The following MCM10 variants were observed in gnomAD, a reference collection of about 807,000 sequenced individuals.
MCM10 encodes the protein protein MCM10 homolog.
In MCM10, 91 loss-of-function variants were observed where a neutral mutation model predicts 109.9. That is an observed-to-expected ratio of 0.83 (90% CI 0.70 to 0.99). MCM10 has a LOEUF of 0.99. Among genes scored for constraint, MCM10 ranks in the 50% least tolerant of loss-of-function variants. The pLI is 0.00. For synonymous variants in MCM10, 380 were observed against 387.2 expected, an observed-to-expected ratio of 0.98 and a Z score of 0.22; for missense variants, 1,077 against 1,061.2, an observed-to-expected ratio of 1.01 and a Z score of -0.21.
chr10:13,188,244 G>A (rs565424240), intron 9 of MCM10, among the ~76,000 whole-genome samples: 6 of 152,286 alleles, frequency 3.9e-5, no homozygotes, highest in Admixed American at 3.9e-4. Flanking sequence ...GCACTTGTCC[G>A]AGGATCAACC....
chr10:13,172,337 C>A lies in MCM10; in HGVS notation c.350-39C>A. 1 of 1,527,346 alleles carries A rather than the reference C, an allele frequency of 6.5e-7. No individual in the cohort carries two copies. Among genetic ancestry groups the A allele is most frequent in the South Asian group, 1.1e-5 (1 of 87,688 alleles). The allele number at this position is 1,527,346 out of a possible 1,614,324, so 94.6% of individuals were successfully genotyped here. On this transcript the variant is annotated intron_variant, in intron 3 of 19. Transcript: ENST00000378714. The surrounding 1 kb of genome is among the most constrained non-coding windows in gnomAD (Gnocchi z 5.2). ...ATTTTTGTCATGTAGAACGTTTTCT[C>A]CTGCCTGGTTCTTAAATTAACATAT...
At chr10:13,167,657 G>A (rs1420501893) in intron 2 of MCM10, among the ~76,000 whole-genome samples, 3 of 151,982 alleles carry the variant, frequency 2.0e-5, no homozygotes, top group Non-Finnish European at 4.4e-5. Flanking sequence ...TGATGCCAGC[G>A]TCTGGTGTCT....
At chr10:13,202,078 G>A (rs1242446310) in intron 17 of MCM10, among the ~76,000 whole-genome samples, 1 of 152,218 alleles carries the variant, frequency 6.6e-6, no homozygotes, top group Non-Finnish European at 1.5e-5. Flanking sequence ...GGAAGAAAGG[G>A]CTGGGTGTGA....
At chr10:13,200,072 G>A (rs1834477111) in intron 16 of MCM10, among the ~76,000 whole-genome samples, 1 of 151,936 alleles carries the variant, frequency 6.6e-6, no homozygotes, top group South Asian at 2.1e-4. Flanking sequence ...CTCAAGTGAT[G>A]TTCCCACCTC....
rs1274667530 is a variant in MCM10, at chr10:13,170,794, C to T, written c.8-128C>T. 6 of 695,094 alleles carry T rather than the reference C, an allele frequency of 8.6e-6. No homozygotes were observed. The African/African-American group carries it at 1.1e-4, about 13-fold the overall frequency. 43.1% of individuals were successfully genotyped at this position (695,094 alleles called of 1,614,324 possible). On this transcript the variant is annotated intron_variant, in intron 2 of 19. Transcript: ENST00000378714. ...GTTTGGAGTATGGTTGAACCCATCA[C>T]CCAGGTAATGAGCATTGTACCCATT... is the stretch of plus-strand genomic sequence containing the variant.
At chr10:13,199,325 CATTTG>C (rs1281043333) in intron 16 of MCM10, among the ~76,000 whole-genome samples, 9 of 152,194 alleles carry the variant, frequency 5.9e-5, no homozygotes, top group Non-Finnish European at 1.0e-4. Context: ...TGAAGAATAT[CATTTG>C]ATTTAACATG....
intron 2 of MCM10, among the ~76,000 whole-genome samples, chr10:13,165,280 T>C (rs1833980842): frequency 6.6e-6 from 1 of 152,188 alleles, no homozygotes; most frequent in South Asian, 2.1e-4. Flanking sequence ...CTCTAAAGTA[T>C]CTATTGCACT....
chr10:13,197,249 G>C (rs912025274), intron 14 of MCM10, among the ~76,000 whole-genome samples: 1 of 152,158 alleles, frequency 6.6e-6, no homozygotes, highest in African/African-American at 2.4e-5. Context: ...GAAAAATTAA[G>C]TAATTTTCCT....
At chr10:13,174,064 C>G (rs1564382593) in intron 5 of MCM10, among the ~76,000 whole-genome samples, 1 of 151,670 alleles carries the variant, frequency 6.6e-6, no homozygotes, top group Non-Finnish European at 1.5e-5. Context: ...CCTAACTTTC[C>G]TTGGTCCCAC....
At chr10:13,206,141 G>A (rs1006004198) in intron 18 of MCM10, among the ~76,000 whole-genome samples, 36 of 152,142 alleles carry the variant, frequency 2.4e-4, no homozygotes, top group Non-Finnish European at 8.8e-5. Flanking sequence ...CTCTGCAGCC[G>A]TTTTTATTTC....
Position 13,191,342 on chromosome 10 carries a change from A to T in MCM10, c.1459A>T (p.Ser487Cys), listed in dbSNP as rs1316974125. Residue 487 changes from serine to cysteine, a missense_variant, in exon 11 of 20, where the codon AGT becomes TGT. Ser to Cys is a moderately radical substitution (Grantham distance 112, BLOSUM62 -1). Coordinates refer to ENST00000378714, the MANE Select transcript of MCM10 (RefSeq NM_018518.5). The part of the protein sequence containing the change: ...APKKKIQTTL[S>C]NLVVKGTNLI... ...TAAGAAGAAGATTCAAACCACTCTG[A>T]GTAATCTGGTTGTTAAGGGCACAAA... is the stretch of plus-strand genomic sequence containing the variant. The T allele has an allele frequency of 1.2e-6, 2 of 1,614,138 alleles. No individual in the cohort carries two copies. Among genetic ancestry groups the T allele is most frequent in the Non-Finnish European group, 8.5e-7 (1 of 1,180,014 alleles).
In MCM10 at chr10:13,193,391, GC is replaced by G. The variant is rs1388205005; in HGVS notation, c.1745+824del. ...TCAGGTCACCTGAATACTAATGAGA[GC>G]TGCGGTTCACAGGCACTTCATACGT... On this transcript the variant is annotated intron_variant, in intron 13 of 19. Transcript: ENST00000378714. Among the ~76,000 whole-genome samples, 437 of 152,170 alleles carry G rather than the reference GC, an allele frequency of 2.9e-3. 4 individuals carry two copies. Among genetic ancestry groups the G allele is most frequent in the African/African-American group, 9.5e-3 (395 of 41,520 alleles).
chr10:13,198,230 G>A (rs1834449049), intron 15 of MCM10, among the ~76,000 whole-genome samples: 1 of 152,084 alleles, frequency 6.6e-6, no homozygotes, highest in East Asian at 1.9e-4. Flanking sequence ...ACATTAAATT[G>A]GAATGAAATT....
intron 6 of MCM10, among the ~76,000 whole-genome samples, chr10:13,176,817 C>G (rs1482886680): frequency 1.3e-5 from 2 of 152,132 alleles, no homozygotes; most frequent in African/African-American, 4.8e-5. Flanking sequence ...TCGCTTGAGC[C>G]CAGGAGTTCA....
chr10:13,202,055 C>A (rs1834507386), intron 17 of MCM10, among the ~76,000 whole-genome samples: 1 of 152,160 alleles, frequency 6.6e-6, no homozygotes, highest in Non-Finnish European at 1.5e-5. Context: ...TTCTTCAACA[C>A]TGATTAAAAA....
At position 13,170,860 on chromosome 10, in the gene MCM10, T is replaced by C. The variant is rs575344233; in HGVS notation, c.8-62T>C. ...CCCCCATGGGGTCATTTAAATTGCCTAAAGTTGAATGTTTGGAATTAGCCG... is the reference window on the plus strand; with the variant it reads ...CCCCCATGGGGTCATTTAAATTGCCCAAAGTTGAATGTTTGGAATTAGCCG... On this transcript the variant is annotated intron_variant, in intron 2 of 19. Coordinates refer to ENST00000378714, the MANE Select transcript of MCM10 (RefSeq NM_018518.5). 11 of 1,477,014 alleles carry C rather than the reference T, an allele frequency of 7.4e-6. No homozygotes were observed. In the African/African-American group the frequency reaches 1.5e-4, roughly 21 times the overall value. 91.5% of individuals were successfully genotyped at this position (1,477,014 alleles called of 1,614,324 possible). A position where few individuals can be genotyped will look rare whatever the true frequency, so the allele number is the denominator to read the frequency against.
intron 3 of MCM10, among the ~76,000 whole-genome samples, chr10:13,172,000 G>A (rs1446182517): frequency 6.6e-6 from 1 of 151,732 alleles, no homozygotes; most frequent in Non-Finnish European, 1.5e-5. Flanking sequence ...GTCTCGAACT[G>A]CTGGGCTCTT....
In MCM10 at chr10:13,201,486, G is replaced by A. The variant is rs751114663; in HGVS notation, c.2304G>A (p.Lys768=). 1 of 1,613,088 alleles carries A rather than the reference G, an allele frequency of 6.2e-7. No individual in the cohort carries two copies. The highest frequency in any genetic ancestry group is 1.1e-5 in the South Asian group (1 of 90,810). ...TGAAAAAAGAACAAATGGAAGAAAA[G>A]ATGAGAAACATCAGAGAAGTGAAGT... ...PLVKKEQMEE[K]MRNIREVKCR... is the part of the protein sequence containing the mutation. Residue 768 remains lysine, a synonymous_variant, in exon 17 of 20, where the codon AAG becomes AAA. Transcript: ENST00000378714.
chr10:13,163,511 A>C (rs781614067), intron 1 of MCM10, among the ~76,000 whole-genome samples: 1 of 152,242 alleles, frequency 6.6e-6, no homozygotes, highest in Non-Finnish European at 1.5e-5. Flanking sequence ...CTTTGTCTTA[A>C]TTAGCTACGC....
Sources: allele counts gnomAD v4.1 joint callset (sites outside exome capture counted in the v4.1 genomes callset), GRCh38; gene constraint gnomAD v4.1.1; non-coding constraint Gnocchi (gnomAD v3.1); transcripts MANE v1.5; gene names NCBI Gene and HGNC (gene_info 2026-07-23, HGNC 2026-07-21).